RUNX1T1: variants seen among roughly 807,000 people sequenced by gnomAD.
RUNX1T1 encodes the protein RUNX1 partner transcriptional co-repressor 1.
In RUNX1T1, 4 loss-of-function variants were observed where a neutral mutation model predicts 62.8. The ratio of observed to expected loss-of-function variants is 0.06; its 90% CI spans 0.03 to 0.15. The LOEUF (loss-of-function observed/expected upper bound fraction) is 0.15. RUNX1T1 is among the 10% of genes least tolerant of loss of function. The pLI is 1.00. For missense variants in RUNX1T1, 508 were observed against 754.3 expected (o/e 0.67, Z 3.82); for synonymous variants, 291 against 286.0 (o/e 1.02, Z -0.18).
rs973821615 is a variant in RUNX1T1, at chr8:92,006,603, T to C, written c.478-1306A>G. 5.2e-4 allele frequency: 79 copies of C among 152,138 alleles called. 2 individuals are homozygous for C. The highest frequency in any genetic ancestry group is 5.0e-3 in the Admixed American group (76 of 15,266). The allele number at this position is 152,138 out of a possible 1,614,324, so 9.4% of individuals were successfully genotyped here. On this transcript the variant is annotated intron_variant, in intron 4 of 10. Transcript: ENST00000396218. ...TTTTTTTTTCCTTCAGTGCTCTTTA[T>C]TTCTTTATGTAGAGCCAAGTTTCTG...
chr8:92,085,765 C>T lies in RUNX1T1; in HGVS notation c.-85-9628G>A, dbSNP rs537796040. On this transcript the variant is annotated intron_variant, in intron 1 of 11. Transcript: ENST00000265814. ...ATGAACCATATCCTAAAAGTCCTCA[C>T]CCAGGTAGATTTTTTTGTTGTTTCT... Among the ~76,000 whole-genome samples, 8 of 152,270 alleles carry T rather than the reference C, an allele frequency of 5.3e-5. No individual in the cohort carries two copies. The South Asian group carries it at 1.7e-3, about 32-fold the overall frequency.
upstream of RUNX1T1, among the ~76,000 whole-genome samples, chr8:92,100,834 C>T (rs1838002213): frequency 6.6e-6 from 1 of 152,200 alleles, no homozygotes; most frequent in African/African-American, 2.4e-5. Context: ...GTATACACAT[C>T]ACAGCTGACA....
intron 9 of RUNX1T1, among the ~76,000 whole-genome samples, chr8:91,971,814 A>C (rs559895405): frequency 6.6e-6 from 1 of 152,286 alleles, no homozygotes; most frequent in African/African-American, 2.4e-5. Flanking sequence ...TTTTTGGCTG[A>C]GGAAAGGGTG....
intron 5 of RUNX1T1, among the ~76,000 whole-genome samples, chr8:92,001,734 A>G (rs1234915465): frequency 6.6e-6 from 1 of 152,256 alleles, no homozygotes; most frequent in African/African-American, 2.4e-5. Flanking sequence ...CCAGAAAAGT[A>G]GCATAACAGG....
chr8:92,050,778 G>A (rs1830109663), intron 1 of RUNX1T1, among the ~76,000 whole-genome samples: 1 of 152,138 alleles, frequency 6.6e-6, no homozygotes, highest in Admixed American at 6.6e-5. Flanking sequence ...TTTAAAGGGG[G>A]CAATTTAGAT....
chr8:91,969,386 AG>A (rs1288080213), intron 10 of RUNX1T1, among the ~76,000 whole-genome samples: 1 of 152,240 alleles, frequency 6.6e-6, no homozygotes, highest in Non-Finnish European at 1.5e-5. Flanking sequence ...TTCATGTGAA[AG>A]TGACAGTTTT....
chr8:91,993,802 G>A (rs1255506119), intron 5 of RUNX1T1, among the ~76,000 whole-genome samples: 1 of 152,052 alleles, frequency 6.6e-6, no homozygotes, highest in Admixed American at 6.6e-5. Context: ...GACTAGCCTG[G>A]CCAACACTGT....
exon 1 of RUNX1T1, chr8:92,062,681 G>A (rs1176577878): frequency 5.6e-6 from 9 of 1,612,270 alleles, no homozygotes; most frequent in African/African-American, 4.0e-5. Flanking sequence ...GGGCGGCATC[G>A]CCGGAGGCAG....
At chr8:91,959,488 G>GTGTGTA (rs1405432738) in exon 11 of RUNX1T1, 21 of 84,810 alleles carry the variant, frequency 2.5e-4, no homozygotes, top group African/African-American at 1.1e-3. Flanking sequence ...GTGTGTGTGT[G>GTGTGTA]TATATATATA....
At chr8:91,976,053 A>C (rs2130702680) in intron 8 of RUNX1T1, 80 bp from the exon 10 acceptor site, 1 of 967,268 alleles carries the variant, frequency 1.0e-6, no homozygotes, top group Admixed American at 1.9e-5. Flanking sequence ...GAGTGAAAGT[A>C]AGCAATGCCC....
intron 1 of RUNX1T1, among the ~76,000 whole-genome samples, chr8:92,040,538 G>A (rs970650053): frequency 3.9e-5 from 6 of 152,036 alleles, no homozygotes. Context: ...AAGTTATCAA[G>A]TTTTAAAAAA....
At chr8:92,021,045 C>T (rs1288295258) in intron 1 of RUNX1T1, among the ~76,000 whole-genome samples, 1 of 152,106 alleles carries the variant, frequency 6.6e-6, no homozygotes, top group Non-Finnish European at 1.5e-5. Context: ...GGTGGTACAT[C>T]TTTTTCTATC....
intron 8 of RUNX1T1, among the ~76,000 whole-genome samples, chr8:91,985,537 G>T (rs915344568): frequency 6.6e-6 from 1 of 152,078 alleles, no homozygotes; most frequent in African/African-American, 2.4e-5. Context: ...CACAGGAAGG[G>T]TGCTACATCT....
chr8:92,005,465 C>T, intron 4 of RUNX1T1, 168 bp from the exon 6 acceptor site: 1 of 592,384 alleles, frequency 1.7e-6, no homozygotes, highest in Non-Finnish European at 2.9e-6. Context: ...ACTGGGCTAC[C>T]ATGTGCGCAG....
At chr8:91,956,447 GT>G, downstream of RUNX1T1, 1 of 228,350 alleles carries the variant, frequency 4.4e-6, no homozygotes, top group Admixed American at 5.7e-5. Flanking sequence ...TCAGGCTGGG[GT>G]CACTGGTGGG....
downstream of RUNX1T1, chr8:91,956,262 CT>C (rs1391169616): frequency 1.3e-5 from 3 of 231,944 alleles, no homozygotes; most frequent in Non-Finnish European, 2.6e-5. Flanking sequence ...TCCTCCCACT[CT>C]TCCTACTCCT....
At chr8:92,081,166 C>T (rs1281017557) in intron 1 of RUNX1T1, 1 of 415,504 alleles carries the variant, frequency 2.4e-6, no homozygotes, top group Non-Finnish European at 3.2e-6. Context: ...ATTTAAATCT[C>T]CAAAGTAAGA....
chr8:92,047,031 C>T (rs913788918), intron 1 of RUNX1T1, among the ~76,000 whole-genome samples: 68 of 152,102 alleles, frequency 4.5e-4, no homozygotes, highest in Middle Eastern at 3.2e-3. Flanking sequence ...CTCAACCAAG[C>T]GCTGGGCAGC....
At chr8:92,021,483 G>A (rs1444576517) in intron 1 of RUNX1T1, among the ~76,000 whole-genome samples, 4 of 152,036 alleles carry the variant, frequency 2.6e-5, no homozygotes, top group Admixed American at 1.3e-4. Flanking sequence ...CTTCTGCAAT[G>A]CCCGAGAATG....
Sources: gnomAD v4.1 joint callset for allele counts (sites outside exome capture counted in the v4.1 genomes callset) on GRCh38, gnomAD v4.1.1 for gene constraint, MANE v1.5 for transcripts, NCBI Gene and HGNC (gene_info 2026-07-23, HGNC 2026-07-21) for gene names.